The following SPIN1 variants were observed in gnomAD, a reference collection of about 807,000 sequenced individuals.
SPIN1 encodes the protein spindlin 1.
SPIN1 carries 3 observed loss-of-function variants against 26.0 expected under a neutral mutation model. That is an observed-to-expected ratio of 0.12 (90% CI 0.05 to 0.30). SPIN1 has a LOEUF of 0.30. SPIN1 is among the 10% of genes least tolerant of loss of function. The pLI, the probability that SPIN1 is intolerant of heterozygous loss-of-function variation, is 1.00. For missense variants in SPIN1, 126 were observed against 333.4 expected, an observed-to-expected ratio of 0.38 and a Z score of 4.84; for synonymous variants, 101 against 116.5, an observed-to-expected ratio of 0.87 and a Z score of 0.86.
At chr9:88,399,213 T>C (rs183757882) in intron 1 of SPIN1, among the ~76,000 whole-genome samples, 143 of 152,176 alleles carry the variant, frequency 9.4e-4, no homozygotes, top group Admixed American at 8.5e-3. Flanking sequence ...TTTGTATTTT[T>C]AGTGGAGACG....
At chr9:88,418,776 A>C (rs1827617102) in intron 1 of SPIN1, 1 of 152,192 alleles carries the variant, frequency 6.6e-6, no homozygotes, top group African/African-American at 2.4e-5. Context: ...ATTTTTAAAT[A>C]GGAAGTTTAT....
chr9:88,389,411 G>A (rs1758868817), intron 1 of SPIN1: 1 of 152,226 alleles, frequency 6.6e-6, no homozygotes, highest in African/African-American at 2.4e-5. Context: ...TTTTACAGAG[G>A]TTCGTTTTGA....
intron 2 of SPIN1, among the ~76,000 whole-genome samples, chr9:88,439,026 A>T (rs1828065238): frequency 6.6e-6 from 1 of 152,134 alleles, no homozygotes. Flanking sequence ...CTAAGGACCC[A>T]CTTCCTGGCC....
intron 1 of SPIN1, among the ~76,000 whole-genome samples, chr9:88,408,981 T>TTGTGTGTGTTTGTG (rs1554692221): frequency 7.3e-6 from 1 of 136,596 alleles, no homozygotes; most frequent in African/African-American, 2.8e-5. Context: ...TTGTGTGTGT[T>TTGTGTGTGTTTGTG]TGTGTGTGTG....
At chr9:88,428,225 G>A (rs1048264900) in intron 2 of SPIN1, among the ~76,000 whole-genome samples, 4 of 152,078 alleles carry the variant, frequency 2.6e-5, no homozygotes, top group African/African-American at 9.7e-5. Flanking sequence ...GTTCAGGTTT[G>A]TTACAAGGGT....
chr9:88,407,310 T>G (rs538962825), intron 1 of SPIN1, among the ~76,000 whole-genome samples: 2 of 152,018 alleles, frequency 1.3e-5, no homozygotes, highest in African/African-American at 4.8e-5. Flanking sequence ...TTGGCTAATT[T>G]TTTTTGTTAT....
intron 2 of SPIN1, among the ~76,000 whole-genome samples, chr9:88,447,384 T>A (rs1828272642): frequency 6.6e-6 from 1 of 152,218 alleles, no homozygotes. Context: ...TACTTTTTTT[T>A]GTGTCTAATA....
chr9:88,438,790 G>A (rs111864305), intron 2 of SPIN1, among the ~76,000 whole-genome samples: 2,638 of 152,262 alleles, frequency 0.017, 53 homozygotes, highest in African/African-American at 0.051. Flanking sequence ...CCACAATTGG[G>A]TGATGAAGAT....
At chr9:88,399,042 T>A (rs1262017844) in intron 1 of SPIN1, among the ~76,000 whole-genome samples, 1 of 151,612 alleles carries the variant, frequency 6.6e-6, no homozygotes, top group Non-Finnish European at 1.5e-5. Context: ...GCAGTTTTTT[T>A]TTTTTTTGAG....
intron 3 of SPIN1, among the ~76,000 whole-genome samples, chr9:88,456,806 G>C (rs1828481536): frequency 6.6e-6 from 1 of 152,080 alleles, no homozygotes; most frequent in African/African-American, 2.4e-5. Flanking sequence ...GAACAAGCCA[G>C]GAATCACCAT....
At chr9:88,393,860 T>C (rs1259134741) in intron 1 of SPIN1, among the ~76,000 whole-genome samples, 1 of 151,934 alleles carries the variant, frequency 6.6e-6, no homozygotes, top group Non-Finnish European at 1.5e-5. Flanking sequence ...TTTGGTTTTT[T>C]AAATTTTGAG....
intron 1 of SPIN1, among the ~76,000 whole-genome samples, chr9:88,392,021 C>T (rs1826932368): frequency 6.6e-6 from 1 of 152,172 alleles, no homozygotes; most frequent in Non-Finnish European, 1.5e-5. Context: ...ACCTTGAATT[C>T]CTTACCTATA....
intron 2 of SPIN1, among the ~76,000 whole-genome samples, chr9:88,427,531 G>A (rs1183091017): frequency 6.6e-6 from 1 of 152,032 alleles, no homozygotes; most frequent in Non-Finnish European, 1.5e-5. Context: ...ATAAAGATGG[G>A]CACATTTCTT....
intron 3 of SPIN1, among the ~76,000 whole-genome samples, chr9:88,461,595 T>C (rs545584640): frequency 3.2e-4 from 49 of 152,264 alleles, no homozygotes; most frequent in Non-Finnish European, 6.0e-4. Context: ...ATCACTTTTA[T>C]TCATGGTGTA....
chr9:88,410,122 A>G (rs1295512071), intron 1 of SPIN1, among the ~76,000 whole-genome samples: 1 of 148,912 alleles, frequency 6.7e-6, no homozygotes, highest in Non-Finnish European at 1.5e-5. Context: ...CTGATACCTT[A>G]CTATCTTTCA....
intron 4 of SPIN1, among the ~76,000 whole-genome samples, chr9:88,464,614 A>G (rs970543334): frequency 6.6e-6 from 1 of 152,202 alleles, no homozygotes; most frequent in South Asian, 2.1e-4. Flanking sequence ...TCAATTACAC[A>G]GTGGAGTTTC....
chr9:88,389,697 G>T (rs1473170675), intron 1 of SPIN1, among the ~76,000 whole-genome samples: 1 of 152,178 alleles, frequency 6.6e-6, no homozygotes, highest in African/African-American at 2.4e-5. Flanking sequence ...ACCAAAACGC[G>T]ATTACCTGTC....
chr9:88,468,293 TC>T lies in SPIN1; in HGVS notation c.356-78del, dbSNP rs1828711568. On this transcript the variant is annotated intron_variant, in intron 4 of 5. Coordinates refer to ENST00000375859, the MANE Select transcript of SPIN1 (RefSeq NM_006717.3). ...ATGGACAAAATTTCAGGTGTAGCCT[TC>T]TTTAGTAAATTCAGTCTTCATAGTC... The T allele has an allele frequency of 8.3e-5, 90 of 1,082,808 alleles. 1 individual carries two copies. In the South Asian group the frequency reaches 1.5e-3, roughly 18 times the overall value. The allele number at this position is 1,082,808 out of a possible 1,614,324, so 67.1% of individuals were successfully genotyped here.
At chr9:88,403,767 G>A (rs1210742161) in intron 1 of SPIN1, among the ~76,000 whole-genome samples, 3 of 152,202 alleles carry the variant, frequency 2.0e-5, no homozygotes, top group African/African-American at 7.2e-5. Flanking sequence ...TAAGGGGCCA[G>A]TATTATTAGA....
Sources: gnomAD v4.1 joint callset for allele counts (sites outside exome capture counted in the v4.1 genomes callset) on GRCh38, gnomAD v4.1.1 for gene constraint, MANE v1.5 for transcripts, NCBI Gene and HGNC (gene_info 2026-07-23, HGNC 2026-07-21) for gene names.